The following CYP3A5 variants were observed in gnomAD, a reference collection of about 807,000 sequenced individuals.
CYP3A5 encodes cytochrome P450 family 3 subfamily A member 5.
Under a neutral mutation model 55.9 loss-of-function variants are expected in CYP3A5, and 51 were observed. The ratio of observed to expected loss-of-function variants is 0.91; its 90% CI spans 0.73 to 1.15. The LOEUF is 1.15. Ranked by LOEUF, CYP3A5 falls within the 50% of genes most tolerant of loss-of-function variation. The probability of loss-of-function intolerance (pLI) is 0.00; values close to 1 mark genes in which losing one functional copy is unlikely to be tolerated. For missense variants in CYP3A5, 533 were observed against 596.6 expected, an observed-to-expected ratio of 0.89 and a Z score of 1.11; for synonymous variants, 196 against 213.9, an observed-to-expected ratio of 0.92 and a Z score of 0.73.
intron 3 of CYP3A5, 190 bp from the exon 4 acceptor site, chr7:99,672,869 A>G: frequency 7.1e-7 from 1 of 1,401,512 alleles, no homozygotes; most frequent in African/African-American, 1.4e-5. Flanking sequence ...GAGCCACCCA[A>G]GGCTTCATAT....
At chr7:99,667,876 A>G (rs1007894067) in intron 4 of CYP3A5, among the ~76,000 whole-genome samples, 2 of 152,224 alleles carry the variant, frequency 1.3e-5, no homozygotes, top group Non-Finnish European at 2.9e-5. Context: ...TCCAAGATCA[A>G]GAAGAACTAA....
At position 99,652,766 on chromosome 7, in the gene CYP3A5, T is replaced by C. The variant is rs1363320186; in HGVS notation, c.1040A>G (p.Tyr347Cys). The C allele has an allele frequency of 1.9e-6, 3 of 1,612,966 alleles. No homozygotes were observed. Among genetic ancestry groups the C allele is most frequent in the East Asian group, 4.5e-5 (2 of 44,880 alleles). ...AVLPNKAPPT[Y>C]DAVVQMEYLD... Reference sequence around the variant, plus strand: ...GTACTCCATCTGTACCACGGCATCATAGGTAGGTGGTGCCTGGAAGGAAAG... The same window carrying C: ...GTACTCCATCTGTACCACGGCATCACAGGTAGGTGGTGCCTGGAAGGAAAG... The change falls in exon 11 of 13, where the codon TAT (tyrosine) becomes TGT (cysteine). Residue 347 changes from tyrosine (Y) to cysteine (C), a missense_variant. Tyr to Cys is a radical substitution (Grantham distance 194). Transcript: ENST00000222982.
chr7:99,657,414 G>C (rs1809870132), intron 10 of CYP3A5, among the ~76,000 whole-genome samples: 1 of 152,214 alleles, frequency 6.6e-6, no homozygotes, highest in African/African-American at 2.4e-5. Context: ...TCTGAATCCT[G>C]AGTTCTAGTT....
At chr7:99,656,804 T>C (rs1809787383) in intron 10 of CYP3A5, among the ~76,000 whole-genome samples, 1 of 152,196 alleles carries the variant, frequency 6.6e-6, no homozygotes, top group African/African-American at 2.4e-5. Flanking sequence ...CCTGGTTTAG[T>C]CTTGGGAGAG....
intron 4 of CYP3A5, among the ~76,000 whole-genome samples, chr7:99,667,544 T>G (rs1811162213): frequency 6.6e-6 from 1 of 152,174 alleles, no homozygotes; most frequent in Admixed American, 6.5e-5. Flanking sequence ...TAGGTAATAC[T>G]TAAAGACTAG....
rs747197057 is a variant in CYP3A5, at chr7:99,664,109, AAAAC to A, written c.671-18_671-15del. The A allele has an allele frequency of 7.3e-5, 113 of 1,551,732 alleles. No homozygotes were observed. Among genetic ancestry groups the A allele is most frequent in the Admixed American group, 2.1e-4 (9 of 43,058 alleles). ...ATGGAAAGAGTACTGTGGGAAAAAC[AAAAC>A]AAACAAAAGGAAATCATTGAAAATG... On this transcript the variant is annotated splice_polypyrimidine_tract_variant and intron_variant, in intron 7 of 12. Transcript: ENST00000222982.
chr7:99,669,668 A>G (rs571606194), intron 4 of CYP3A5, among the ~76,000 whole-genome samples: 1 of 152,232 alleles, frequency 6.6e-6, no homozygotes, highest in Non-Finnish European at 1.5e-5. Context: ...GACACTACAG[A>G]TACGGCACAA....
intron 11 of CYP3A5, among the ~76,000 whole-genome samples, chr7:99,651,778 C>T (rs1809216273): frequency 6.6e-6 from 1 of 152,192 alleles, no homozygotes; most frequent in Non-Finnish European, 1.5e-5. Context: ...TAAGGCCTGA[C>T]CTTGTCCCTG....
At chr7:99,648,431 T>C in intron 12 of CYP3A5, 31 bp from the exon 13 acceptor site, 1 of 1,522,378 alleles carries the variant, frequency 6.6e-7, no homozygotes, top group Non-Finnish European at 8.9e-7. Context: ...TATGGAGAAT[T>C]AATAAATGAA....
rs899166058 is a variant in CYP3A5 at position 99,663,235 on chromosome 7, T to C, written c.799-353A>G. 2.8e-6 allele frequency: 3 copies of C among 1,055,086 alleles called. No homozygotes were observed. In the African/African-American group the frequency reaches 5.1e-5, roughly 18 times the overall value. The allele number at this position is 1,055,086 out of a possible 1,614,324, so 65.4% of individuals were successfully genotyped here. On this transcript the variant is annotated intron_variant, in intron 8 of 12. Coordinates refer to ENST00000222982, the MANE Select transcript of CYP3A5 (RefSeq NM_000777.5). Reference sequence around the variant, plus strand: ...GGAAGAAGTACTGGATCTTTTATTCTTCTACCTTTTTCTTCAGCAGTGTCC... The same window carrying C: ...GGAAGAAGTACTGGATCTTTTATTCCTCTACCTTTTTCTTCAGCAGTGTCC...
intron 1 of CYP3A5, among the ~76,000 whole-genome samples, chr7:99,677,645 A>G (rs995999105): frequency 6.6e-6 from 1 of 152,198 alleles, no homozygotes; most frequent in African/African-American, 2.4e-5. Context: ...GGTTTGGAGG[A>G]CTCAGCAGGG....
In CYP3A5 at chr7:99,660,214, C is replaced by CTTTTTTTTTTT. The variant is rs34318418; in HGVS notation, c.1026+274_1026+284dup. The CTTTTTTTTTTT allele has an allele frequency of 2.6e-5, 11 of 429,930 alleles. No individual in the cohort carries two copies. The African/African-American group carries it at 3.8e-4, about 15-fold the overall frequency. 26.6% of individuals were successfully genotyped at this position (429,930 alleles called of 1,614,324 possible). A position where few individuals can be genotyped will look rare whatever the true frequency, so the allele number is the denominator to read the frequency against. ...GTTTGGCCATCTTCTCGCCACACTCCTTTTTTTTTTTTTTTTTTTTTTTTT... is the reference window on the plus strand; with the variant it reads ...GTTTGGCCATCTTCTCGCCACACTCCTTTTTTTTTTTTTTTTTTTTTTTTTTTTTTTTTTTT... On this transcript the variant is annotated intron_variant, in intron 10 of 12. Coordinates refer to ENST00000222982, the MANE Select transcript of CYP3A5 (RefSeq NM_000777.5).
At chr7:99,663,469 C>T in intron 8 of CYP3A5, 1 of 990,224 alleles carries the variant, frequency 1.0e-6, no homozygotes, top group Non-Finnish European at 1.2e-6. Context: ...AACCTCAATT[C>T]TCAGAGAAGA....
At chr7:99,663,848 G>T in intron 8 of CYP3A5, 120 bp downstream of exon 8, 18 of 1,404,244 alleles carry the variant, frequency 1.3e-5, no homozygotes, top group Non-Finnish European at 1.7e-5. Flanking sequence ...GGCTTCTCTT[G>T]TTCTAAACAT....
At position 99,660,214 on chromosome 7, in the gene CYP3A5, C is replaced by CTTTTTTTTTTTT. The variant is rs34318418; in HGVS notation, c.1026+273_1026+284dup. 3 of 424,270 alleles carry CTTTTTTTTTTTT rather than the reference C, an allele frequency of 7.1e-6. 1 individual carries two copies. Among genetic ancestry groups the CTTTTTTTTTTTT allele is most frequent in the East Asian group, 5.3e-4 (2 of 3,766 alleles). 26.3% of individuals were successfully genotyped at this position (424,270 alleles called of 1,614,324 possible). A position where few individuals can be genotyped will look rare whatever the true frequency, so the allele number is the denominator to read the frequency against. The stretch of plus-strand genomic sequence containing the variant: ...GTTTGGCCATCTTCTCGCCACACTC[C>CTTTTTTTTTTTT]TTTTTTTTTTTTTTTTTTTTTTTTT... On this transcript the variant is annotated intron_variant, in intron 10 of 12. Coordinates refer to ENST00000222982, the MANE Select transcript of CYP3A5 (RefSeq NM_000777.5).
intron 4 of CYP3A5, among the ~76,000 whole-genome samples, chr7:99,669,765 AAATC>A (rs1358754343): frequency 1.3e-5 from 2 of 152,206 alleles, no homozygotes; most frequent in Non-Finnish European, 2.9e-5. Flanking sequence ...AGACACAACT[AAATC>A]AAGAGATTTA....
intron 10 of CYP3A5, among the ~76,000 whole-genome samples, 174 bp from the exon 11 acceptor site, chr7:99,652,953 C>A (rs28365091): frequency 6.6e-6 from 1 of 152,160 alleles, no homozygotes; most frequent in Non-Finnish European, 1.5e-5. Flanking sequence ...TGCTCAGTGA[C>A]CTACTGAGAT....
At chr7:99,674,637 C>G in intron 2 of CYP3A5, 52 bp from the exon 3 acceptor site, 1 of 1,502,390 alleles carries the variant, frequency 6.7e-7, no homozygotes, top group African/African-American at 1.4e-5. Context: ...TAGAATAAAC[C>G]CTACCTCTAA....
Position 99,662,781 on chromosome 7 carries a change from C to G in CYP3A5, c.865+35G>C. 2 of 1,589,804 alleles carry G rather than the reference C, an allele frequency of 1.3e-6. No individual in the cohort carries two copies. Among genetic ancestry groups the G allele is most frequent in the Non-Finnish European group, 1.7e-6 (2 of 1,158,820 alleles). On this transcript the variant is annotated intron_variant, in intron 9 of 12. Transcript: ENST00000222982. This position sits in a 1 kb window ranked among gnomAD's most constrained non-coding sequence, Gnocchi z 4.3. ...GAACAAGGCCCTCCCTCTTAGTGTC[C>G]CCGCCAGTAGCCCTCAGAAGCACTC...
Sources: gnomAD v4.1 joint callset for allele counts (sites outside exome capture counted in the v4.1 genomes callset) on GRCh38, gnomAD v4.1.1 for gene constraint, Gnocchi (gnomAD v3.1) non-coding constraint, MANE v1.5 for transcripts, NCBI Gene and HGNC (gene_info 2026-07-23, HGNC 2026-07-21) for gene names.